JAK2: variants seen among roughly 807,000 people sequenced by gnomAD.
The protein encoded by JAK2 is tyrosine-protein kinase JAK2.
A neutral mutation model predicts 139.3 loss-of-function variants in JAK2; 86 were observed. That is an observed-to-expected ratio of 0.62 (90% CI 0.52 to 0.74). JAK2 has a LOEUF of 0.74. Ranked by LOEUF, JAK2 falls within the 30% of genes least tolerant of loss-of-function variation. The pLI, the probability that JAK2 is intolerant of heterozygous loss-of-function variation, is 0.00. For synonymous variants in JAK2, 490 were observed against 437.7 expected, an observed-to-expected ratio of 1.12 and a Z score of -1.49; for missense variants, 1,421 against 1,360.3, an observed-to-expected ratio of 1.04 and a Z score of -0.70.
intron 22 of JAK2, among the ~76,000 whole-genome samples, chr9:5,104,377 C>T (rs1159865829): frequency 6.6e-6 from 1 of 152,204 alleles, no homozygotes; most frequent in Non-Finnish European, 1.5e-5. Flanking sequence ...GAAGTTGAAT[C>T]TCTGAATAGA....
rs866477451 is a variant in JAK2 at position 5,125,742 on chromosome 9, T to C, written c.3178-591T>C. On this transcript the variant is annotated intron_variant, in intron 23 of 24. Transcript: ENST00000381652. ...ATTTCCATTTCTTTTCTTAATGTGG[T>C]TGACTATATATTTGTTGGGTGTTTA... is the stretch of plus-strand genomic sequence containing the variant. Among the ~76,000 whole-genome samples, 140 of 151,708 alleles carry C rather than the reference T, an allele frequency of 9.2e-4. 1 individual carries two copies. The highest frequency in any genetic ancestry group is 3.2e-3 in the African/African-American group (133 of 41,552).
intron 22 of JAK2, among the ~76,000 whole-genome samples, chr9:5,122,714 A>G (rs1428992944): frequency 1.3e-5 from 2 of 151,994 alleles, no homozygotes; most frequent in African/African-American, 4.8e-5. Flanking sequence ...CACATACTAA[A>G]GTTACATACT....
At chr9:5,082,132 A>G (rs1326737421) in intron 19 of JAK2, among the ~76,000 whole-genome samples, 4 of 130,804 alleles carry the variant, frequency 3.1e-5, no homozygotes, top group Non-Finnish European at 5.9e-5. Flanking sequence ...AAGTATAGAG[A>G]AAGAAAAGTG....
intron 2 of JAK2, among the ~76,000 whole-genome samples, chr9:5,013,343 T>A (rs1039863102): frequency 1.3e-5 from 2 of 152,248 alleles, no homozygotes; most frequent in Non-Finnish European, 2.9e-5. Flanking sequence ...TATATCTACT[T>A]GGACTATAAA....
rs779044183 is a variant in JAK2, at chr9:5,073,679, T to C, written c.1777-19T>C. The C allele has an allele frequency of 3.2e-6, 5 of 1,562,364 alleles. No individual in the cohort carries two copies. The highest frequency in any genetic ancestry group is 2.7e-5 in the African/African-American group (2 of 73,610). On this transcript the variant is annotated intron_variant, in intron 13 of 24. Coordinates refer to ENST00000381652, the MANE Select transcript of JAK2 (RefSeq NM_004972.4). ...ACAACAGTCAAACAACAATTCTTTG[T>C]ACTTTTTTTTTTCCTTAGTCTTTCT...
In JAK2 at chr9:5,011,568, A is replaced by G. The variant is rs182425209; in HGVS notation, c.-25-10395A>G. 2.0e-5 allele frequency among the ~76,000 whole-genome samples: 3 copies of G among 152,296 alleles called. No individual in the cohort carries two copies. In the East Asian group the frequency reaches 5.8e-4, roughly 29 times the overall value. On this transcript the variant is annotated intron_variant, in intron 2 of 24. Coordinates refer to ENST00000381652, the MANE Select transcript of JAK2 (RefSeq NM_004972.4). ...ATATTAATTTTTTACTGTAAATTCT[A>G]TTACATATGTATCATAGTAAACAAA...
intron 19 of JAK2, among the ~76,000 whole-genome samples, chr9:5,083,618 G>C (rs997342200): frequency 1.3e-5 from 2 of 151,828 alleles, no homozygotes; most frequent in African/African-American, 2.4e-5. Context: ...AGTTCCTTTA[G>C]ATCCCAATAG....
At chr9:5,065,997 C>T (rs1039005672) in intron 9 of JAK2, among the ~76,000 whole-genome samples, 3 of 152,044 alleles carry the variant, frequency 2.0e-5, no homozygotes, top group African/African-American at 7.2e-5. Context: ...TTTAAAACTC[C>T]TTGCCTTTAT....
rs1040809697 is a variant in JAK2, at chr9:5,085,225, G to A, written c.2571+3364G>A. On this transcript the variant is annotated intron_variant, in intron 19 of 24. Transcript: ENST00000381652. ...ATTCATTTCTGGGAACTGCTGACAG[G>A]CAAATAGGACAGGACCAGTGGCTAA... is the stretch of plus-strand genomic sequence containing the variant. 3.4e-5 allele frequency: 23 copies of A among 667,924 alleles called. No homozygotes were observed. In the East Asian group the frequency reaches 5.8e-4, roughly 17 times the overall value. The allele number at this position is 667,924 out of a possible 1,614,324, so 41.4% of individuals were successfully genotyped here.
At chr9:5,045,674 C>T (rs955077989) in intron 5 of JAK2, among the ~76,000 whole-genome samples, 17 of 152,168 alleles carry the variant, frequency 1.1e-4, no homozygotes, top group African/African-American at 3.9e-4. Context: ...TAGCATTTGT[C>T]CTTTTTTGAC....
At chr9:4,994,046 C>T (rs1038280290) in intron 2 of JAK2, among the ~76,000 whole-genome samples, 26 of 152,128 alleles carry the variant, frequency 1.7e-4, no homozygotes, top group African/African-American at 6.3e-4. Context: ...TCTAGCCACT[C>T]GTGACTGAAC....
chr9:5,081,109 A>C (rs1033492774), intron 18 of JAK2, among the ~76,000 whole-genome samples: 1 of 151,692 alleles, frequency 6.6e-6, no homozygotes, highest in Non-Finnish European at 1.5e-5. Flanking sequence ...GTTAGCCAGG[A>C]TGGTCTCGAT....
rs1819621092 is a variant in JAK2, at chr9:5,080,634, G to T, written c.2385G>T (p.Arg795Ser). Reference protein sequence around the residue: ...NNCMDYEPDFRPSFRAIIRDL... With the variant: ...NNCMDYEPDFSPSFRAIIRDL... ...GTATGGATTATGAACCAGATTTCAG[G>T]CCTTCTTTCAGAGCCATCATACGAG... Residue 795 changes from arginine to serine, a missense_variant, in exon 18 of 25, where the codon AGG becomes AGT. Coordinates refer to ENST00000381652, the MANE Select transcript of JAK2 (RefSeq NM_004972.4). 6.3e-7 allele frequency: 1 copy of T among 1,598,176 alleles called. No homozygotes were observed. The highest frequency in any genetic ancestry group is 8.5e-7 in the Non-Finnish European group (1 of 1,174,680).
chr9:4,992,079 A>G (rs775228146), intron 2 of JAK2, among the ~76,000 whole-genome samples: 19 of 152,332 alleles, frequency 1.2e-4, no homozygotes, highest in Admixed American at 3.3e-4. Context: ...CACAATGGCT[A>G]CTAGGACATG....
chr9:5,002,542 A>G (rs1247158909), intron 2 of JAK2, among the ~76,000 whole-genome samples: 1 of 151,928 alleles, frequency 6.6e-6, no homozygotes, highest in African/African-American at 2.4e-5. Context: ...TGGTTTATGG[A>G]CCAACCTATG....
intron 22 of JAK2, chr9:5,109,851 T>G (rs1822293410): frequency 6.6e-6 from 1 of 152,196 alleles, no homozygotes; most frequent in Non-Finnish European, 1.5e-5. Flanking sequence ...CACAGTATTC[T>G]TCCAATATTC....
intron 2 of JAK2, among the ~76,000 whole-genome samples, chr9:5,010,946 A>G (rs1821663371): frequency 6.6e-6 from 1 of 152,082 alleles, no homozygotes; most frequent in Non-Finnish European, 1.5e-5. Context: ...CCCTCTCCCT[A>G]CCAGTACTTT....
intron 3 of JAK2, among the ~76,000 whole-genome samples, chr9:5,023,518 T>C (rs1400606901): frequency 1.3e-5 from 2 of 152,166 alleles, no homozygotes; most frequent in Non-Finnish European, 1.5e-5. Flanking sequence ...TCTATGTGAA[T>C]TTTTTGTCCT....
chr9:5,104,020 G>A (rs577246139), intron 22 of JAK2, among the ~76,000 whole-genome samples: 2 of 152,100 alleles, frequency 1.3e-5, no homozygotes, highest in Non-Finnish European at 2.9e-5. Flanking sequence ...ACAGAAGCAA[G>A]AGCAAACAAA....
Sources: allele counts gnomAD v4.1 joint callset (sites outside exome capture counted in the v4.1 genomes callset), GRCh38; gene constraint gnomAD v4.1.1; transcripts MANE v1.5; gene names NCBI Gene and HGNC (gene_info 2026-07-23, HGNC 2026-07-21).